Variants in PCDH9 observed in about 807,000 individuals in gnomAD.
PCDH9 encodes the protein protocadherin-9.
Under a neutral mutation model 70.6 loss-of-function variants are expected in PCDH9, and 24 were observed. That is an observed-to-expected ratio of 0.34 (90% CI 0.25 to 0.48). PCDH9 has a LOEUF of 0.48. Among genes scored for constraint, PCDH9 ranks in the 20% least tolerant of loss-of-function variants. The probability of loss-of-function intolerance (pLI) is 0.99; values close to 1 mark genes in which losing one functional copy is unlikely to be tolerated. For synonymous variants in PCDH9, 562 were observed against 558.5 expected (o/e 1.01, Z -0.09); for missense variants, 1,281 against 1,503.6 (o/e 0.85, Z 2.45).
intron 3 of PCDH9, among the ~76,000 whole-genome samples, chr13:66,725,252 T>C (rs1456199238): frequency 6.6e-6 from 1 of 152,218 alleles, no homozygotes; most frequent in African/African-American, 2.4e-5. Context: ...TTAATTATGC[T>C]ATTTTACCAT....
At chr13:66,687,616 T>G (rs1336067202) in intron 3 of PCDH9, among the ~76,000 whole-genome samples, 1 of 152,180 alleles carries the variant, frequency 6.6e-6, no homozygotes, top group Non-Finnish European at 1.5e-5. Flanking sequence ...TTTCTAAAAC[T>G]TTAGTGCCTG....
intron 4 of PCDH9, among the ~76,000 whole-genome samples, chr13:66,349,084 GT>G (rs1325666405): frequency 6.6e-6 from 1 of 152,158 alleles, no homozygotes; most frequent in Non-Finnish European, 1.5e-5. Context: ...AGAAACTGCA[GT>G]GGTGCAATTC....
chr13:67,154,176 G>GGT (rs1367759468), intron 2 of PCDH9, among the ~76,000 whole-genome samples: 1 of 152,182 alleles, frequency 6.6e-6, no homozygotes, highest in Non-Finnish European at 1.5e-5. Context: ...TCTATAGTCA[G>GGT]GTGTGGTGGC....
At chr13:67,139,446 C>A (rs1208814742) in intron 2 of PCDH9, among the ~76,000 whole-genome samples, 1 of 152,124 alleles carries the variant, frequency 6.6e-6, no homozygotes, top group East Asian at 1.9e-4. Flanking sequence ...AGTGATAATA[C>A]AAAATTATCC....
intron 4 of PCDH9, among the ~76,000 whole-genome samples, chr13:66,587,372 A>C (rs2076977011): frequency 6.6e-6 from 1 of 152,080 alleles, no homozygotes; most frequent in Non-Finnish European, 1.5e-5. Flanking sequence ...ACATACAAAC[A>C]AAAAGAACAT....
chr13:66,593,581 T>C (rs1477021673), intron 4 of PCDH9, among the ~76,000 whole-genome samples: 1 of 151,706 alleles, frequency 6.6e-6, no homozygotes, highest in Non-Finnish European at 1.5e-5. Context: ...TCGTGGTTTT[T>C]CTTATAGGAG....
At chr13:67,108,060 C>T (rs1171422244) in intron 2 of PCDH9, among the ~76,000 whole-genome samples, 1 of 152,224 alleles carries the variant, frequency 6.6e-6, no homozygotes, top group African/African-American at 2.4e-5. Flanking sequence ...AGCCAGAATG[C>T]CTGGCTATGC....
intron 3 of PCDH9, among the ~76,000 whole-genome samples, chr13:66,783,464 G>T (rs538802143): frequency 1.3e-5 from 2 of 152,170 alleles, no homozygotes; most frequent in African/African-American, 4.8e-5. Flanking sequence ...CCCCTTAAAG[G>T]TGGTATGTGA....
At chr13:66,567,217 A>T (rs2076665607) in intron 4 of PCDH9, among the ~76,000 whole-genome samples, 1 of 152,168 alleles carries the variant, frequency 6.6e-6, no homozygotes, top group Non-Finnish European at 1.5e-5. Context: ...TGCATGGGAT[A>T]TAATAGAATC....
intron 4 of PCDH9, among the ~76,000 whole-genome samples, chr13:66,465,830 T>C (rs1958505014): frequency 6.6e-6 from 1 of 151,890 alleles, no homozygotes; most frequent in South Asian, 2.1e-4. Flanking sequence ...CAATAAAATG[T>C]TTTATTAAAA....
chr13:67,129,360 T>G (rs2087053039), intron 2 of PCDH9, among the ~76,000 whole-genome samples: 2 of 152,172 alleles, frequency 1.3e-5, no homozygotes. Flanking sequence ...AGTTACATGT[T>G]AGTAATAATG....
chr13:66,976,791 A>C (rs1488654201), intron 2 of PCDH9, among the ~76,000 whole-genome samples: 1 of 152,116 alleles, frequency 6.6e-6, no homozygotes. Context: ...CAAGTAAGAA[A>C]AATAAGGATA....
intron 3 of PCDH9, among the ~76,000 whole-genome samples, chr13:66,676,123 T>C (rs987758747): frequency 6.6e-5 from 10 of 152,132 alleles, no homozygotes; most frequent in Non-Finnish European, 1.0e-4. Flanking sequence ...GTGTTATTTA[T>C]TTTACATATT....
chr13:67,093,197 G>A (rs1594501497), intron 2 of PCDH9, among the ~76,000 whole-genome samples: 1 of 152,210 alleles, frequency 6.6e-6, no homozygotes, highest in Non-Finnish European at 1.5e-5. Context: ...GCTCATGCCT[G>A]TAATTCCAGC....
intron 2 of PCDH9, among the ~76,000 whole-genome samples, chr13:66,909,261 A>G (rs1018047062): frequency 2.5e-4 from 38 of 152,132 alleles, no homozygotes; most frequent in African/African-American, 8.7e-4. Flanking sequence ...AGATCTTTAC[A>G]AGAAAAACTA....
At chr13:66,414,631 T>C (rs969887901) in intron 4 of PCDH9, among the ~76,000 whole-genome samples, 4 of 152,236 alleles carry the variant, frequency 2.6e-5, no homozygotes, top group Admixed American at 6.5e-5. Context: ...TAAAGGCTTA[T>C]AGTTTTTGCA....
chr13:66,772,382 C>A lies in PCDH9; in HGVS notation c.3138+131122G>T, dbSNP rs138436551. 1.1e-3 allele frequency among the ~76,000 whole-genome samples: 161 copies of A among 152,262 alleles called. No homozygotes were observed. In the Middle Eastern group the frequency reaches 0.017, roughly 16 times the overall value. ...TATCATGCCACAATTTGTTTACATG[C>A]AAGTGTTCAATTTCTAGCTCATTTT... On this transcript the variant is annotated intron_variant, in intron 3 of 4. Transcript: ENST00000377865.
chr13:67,080,630 T>A (rs914857782), intron 2 of PCDH9, among the ~76,000 whole-genome samples: 1 of 152,216 alleles, frequency 6.6e-6, no homozygotes, highest in Non-Finnish European at 1.5e-5. Context: ...GATTTGTGCA[T>A]TAAAGTGTAT....
chr13:66,311,744 C>A (rs936693608), intron 4 of PCDH9, among the ~76,000 whole-genome samples: 4 of 152,040 alleles, frequency 2.6e-5, no homozygotes, highest in African/African-American at 9.7e-5. Flanking sequence ...TTATTCTATG[C>A]CCAATCAATA....
Sources: allele counts gnomAD v4.1 joint callset (sites outside exome capture counted in the v4.1 genomes callset), GRCh38; gene constraint gnomAD v4.1.1; transcripts MANE v1.5; gene names NCBI Gene and HGNC (gene_info 2026-07-23, HGNC 2026-07-21).